DPYD: variants seen among roughly 807,000 people sequenced by gnomAD.
DPYD encodes dihydropyrimidine dehydrogenase.
DPYD carries 109 observed loss-of-function variants against 116.2 expected under a neutral mutation model. The observed-to-expected ratio is 0.94, with a 90% confidence interval of 0.80 to 1.10. The LOEUF is 1.10. Among genes scored for constraint, DPYD ranks in the 50% least tolerant of loss-of-function variants. The probability of loss-of-function intolerance (pLI) is 0.00; values close to 1 mark genes in which losing one functional copy is unlikely to be tolerated. For synonymous variants in DPYD, 440 were observed against 432.0 expected (o/e 1.02, Z -0.23); for missense variants, 1,302 against 1,254.5 (o/e 1.04, Z -0.57).
chr1:97,389,142 AAT>A (rs1441124400), intron 14 of DPYD, among the ~76,000 whole-genome samples: 2 of 151,884 alleles, frequency 1.3e-5, no homozygotes, highest in African/African-American at 4.8e-5. Context: ...TAAAATGTGA[AAT>A]AGTCTCTAAA....
chr1:97,623,268 A>G (rs1489597273), intron 8 of DPYD, among the ~76,000 whole-genome samples: 1 of 152,096 alleles, frequency 6.6e-6, no homozygotes, highest in Non-Finnish European at 1.5e-5. Context: ...AGCAGTCTGA[A>G]TAACAAAGGC....
chr1:97,617,983 T>C lies in DPYD; in HGVS notation c.851-22817A>G, dbSNP rs1428268607. ...ACTTGGGTCCCCAAAATGTAAGTCATACCAGGGTCAGATCTGCTGTAGGTC... is the reference window on the plus strand; with the variant it reads ...ACTTGGGTCCCCAAAATGTAAGTCACACCAGGGTCAGATCTGCTGTAGGTC... On this transcript the variant is annotated intron_variant, in intron 8 of 22. Transcript: ENST00000370192. Among the ~76,000 whole-genome samples, 5 of 152,184 alleles carry C rather than the reference T, an allele frequency of 3.3e-5. No homozygotes were observed. The East Asian group carries it at 5.8e-4, about 18-fold the overall frequency.
At chr1:97,524,001 A>G (rs547966226) in intron 12 of DPYD, among the ~76,000 whole-genome samples, 1 of 152,236 alleles carries the variant, frequency 6.6e-6, no homozygotes, top group African/African-American at 2.4e-5. Context: ...CAATTTAACC[A>G]TGAATAATTA....
At chr1:97,792,050 T>TTCTAGG (rs1557965100) in intron 3 of DPYD, among the ~76,000 whole-genome samples, 1 of 152,196 alleles carries the variant, frequency 6.6e-6, no homozygotes, top group African/African-American at 2.4e-5. Flanking sequence ...TTCTTAATTG[T>TTCTAGG]TCTAAGAGAA....
intron 8 of DPYD, among the ~76,000 whole-genome samples, chr1:97,641,811 T>C (rs1445511917): frequency 6.6e-6 from 1 of 152,138 alleles, no homozygotes; most frequent in Non-Finnish European, 1.5e-5. Flanking sequence ...AGTCAAATTG[T>C]CCCTGTTTGC....
intron 1 of DPYD, among the ~76,000 whole-genome samples, chr1:97,888,470 G>A (rs1445271568): frequency 1.3e-5 from 2 of 151,162 alleles, no homozygotes; most frequent in Non-Finnish European, 2.9e-5. Context: ...AAATTTGCCC[G>A]ATTTATTTTT....
chr1:97,253,865 T>C (rs1663270470), intron 18 of DPYD, among the ~76,000 whole-genome samples: 1 of 152,262 alleles, frequency 6.6e-6, no homozygotes, highest in South Asian at 2.1e-4. Flanking sequence ...ACCTATATTA[T>C]TTGGGAAAAA....
At chr1:97,806,581 C>T (rs978756712) in intron 3 of DPYD, among the ~76,000 whole-genome samples, 12 of 151,966 alleles carry the variant, frequency 7.9e-5, no homozygotes, top group Admixed American at 6.6e-4. Context: ...TCTGCTACCC[C>T]CACACAAGCA....
chr1:97,411,510 A>C (rs1399502289), intron 14 of DPYD, among the ~76,000 whole-genome samples: 1 of 152,090 alleles, frequency 6.6e-6, no homozygotes, highest in African/African-American at 2.4e-5. Context: ...CACCCCAGTA[A>C]ACAACAATAG....
chr1:97,875,221 T>G (rs1452126361), intron 2 of DPYD, among the ~76,000 whole-genome samples: 1 of 151,924 alleles, frequency 6.6e-6, no homozygotes, highest in Non-Finnish European at 1.5e-5. Flanking sequence ...GCTACCAACA[T>G]AGCAAAAGAA....
At chr1:97,290,755 CCATT>C (rs1418104246) in intron 18 of DPYD, among the ~76,000 whole-genome samples, 3 of 151,952 alleles carry the variant, frequency 2.0e-5, no homozygotes, top group Non-Finnish European at 4.4e-5. Context: ...CTAGGCATTA[CCATT>C]CAGGACATAG....
chr1:97,661,354 A>G (rs370821957), intron 8 of DPYD, among the ~76,000 whole-genome samples: 11 of 152,190 alleles, frequency 7.2e-5, no homozygotes, highest in African/African-American at 2.4e-4. Flanking sequence ...GGTAGAGACC[A>G]TATGTTCAAT....
chr1:97,358,964 G>A (rs1670565376), intron 16 of DPYD, among the ~76,000 whole-genome samples: 1 of 152,160 alleles, frequency 6.6e-6, no homozygotes, highest in South Asian at 2.1e-4. Flanking sequence ...GAATGATTTT[G>A]ACAAGTTGAC....
intron 1 of DPYD, among the ~76,000 whole-genome samples, chr1:97,897,981 G>A (rs1219647835): frequency 6.6e-6 from 1 of 151,688 alleles, no homozygotes; most frequent in Admixed American, 6.6e-5. Context: ...TTTGTTCTAG[G>A]ACATAATTGA....
intron 5 of DPYD, among the ~76,000 whole-genome samples, chr1:97,708,404 C>T (rs1035640606): frequency 1.3e-5 from 2 of 152,022 alleles, no homozygotes; most frequent in African/African-American, 4.8e-5. Flanking sequence ...GTTGAAAGGA[C>T]TATCCCTTCT....
intron 16 of DPYD, among the ~76,000 whole-genome samples, chr1:97,347,350 C>T (rs1390158661): frequency 6.6e-6 from 1 of 151,804 alleles, no homozygotes; most frequent in Admixed American, 6.6e-5. Flanking sequence ...TGACTTCTAC[C>T]AAACATATTT....
chr1:97,184,530 T>C (rs1264595849), intron 20 of DPYD, among the ~76,000 whole-genome samples: 3 of 152,194 alleles, frequency 2.0e-5, no homozygotes. Flanking sequence ...CACTGAGCTT[T>C]TTTTCATACG....
intron 19 of DPYD, among the ~76,000 whole-genome samples, chr1:97,214,486 G>T (rs1188817939): frequency 6.6e-6 from 1 of 152,184 alleles, no homozygotes; most frequent in Non-Finnish European, 1.5e-5. Context: ...ATAACTTTAT[G>T]AATATTCAAC....
intron 16 of DPYD, among the ~76,000 whole-genome samples, chr1:97,338,725 G>A (rs940892346): frequency 2.6e-5 from 4 of 152,144 alleles, no homozygotes; most frequent in African/African-American, 4.8e-5. Flanking sequence ...ATGCTAGGGT[G>A]TAATCACTAG....
Sources: allele counts gnomAD v4.1 joint callset (sites outside exome capture counted in the v4.1 genomes callset), GRCh38; gene constraint gnomAD v4.1.1; transcripts MANE v1.5; gene names NCBI Gene and HGNC (gene_info 2026-07-23, HGNC 2026-07-21).